The following XG variants were observed in gnomAD, a reference collection of about 807,000 sequenced individuals.
XG encodes the protein Xg glycoprotein (Xg blood group).
Under a neutral mutation model 25.7 loss-of-function variants are expected in XG, and 24 were observed. The observed-to-expected ratio is 0.93, with a 90% CI of 0.68 to 1.31. The LOEUF is 1.31. Ranked by LOEUF, XG falls within the 40% of genes most tolerant of loss-of-function variation. The pLI is 0.00. For synonymous variants in XG, 77 were observed against 69.2 expected (o/e 1.11, Z -0.56); for missense variants, 181 against 187.6 (o/e 0.96, Z 0.21).
intron 8 of XG, among the ~76,000 whole-genome samples, chrX:2,807,027 G>T: frequency 8.9e-6 from 1 of 112,757 alleles, no homozygotes; most frequent in Non-Finnish European, 1.9e-5. Context: ...TTCACACACA[G>T]GTATGCTTGT....
In XG at chrX:2,766,722, A is replaced by G. The variant is rs780677380; in HGVS notation, c.62-3828A>G. Among the ~76,000 whole-genome samples the G allele has an allele frequency of 6.0e-4, 89 of 149,124 alleles. 1 individual carries two copies. Among genetic ancestry groups the G allele is most frequent in the East Asian group, 5.4e-3 (27 of 5,010 alleles). ...TGGGACTACAGGCGCCCGCCACCAC[A>G]CCCGGCTAATTTTTTTGTATTTTTA... On this transcript the variant is annotated intron_variant, in intron 1 of 10. Coordinates refer to ENST00000644266, the MANE Select transcript of XG (RefSeq NM_001141919.2).
chrX:2,774,484 G>A (rs980123199), intron 2 of XG, among the ~76,000 whole-genome samples: 1 of 151,964 alleles, frequency 6.6e-6, no homozygotes, highest in Non-Finnish European at 1.5e-5. Flanking sequence ...CAGCTACTTT[G>A]GCCATCCTGT....
intron 1 of XG, chrX:2,752,887 T>C: frequency 1.0e-6 from 1 of 984,202 alleles, no homozygotes; most frequent in Non-Finnish European, 1.2e-6. Context: ...AACTTCGATA[T>C]AAACTTGCAG....
chrX:2,794,794 T>C (rs1421067626), intron 6 of XG, among the ~76,000 whole-genome samples, 191 bp downstream of exon 6: 1 of 111,876 alleles, frequency 8.9e-6, no homozygotes, highest in Non-Finnish European at 1.9e-5. Context: ...TGGGCATCTG[T>C]CCGCCTCTCC....
chrX:2,783,166 C>T (rs2086748135), intron 4 of XG, among the ~76,000 whole-genome samples: 1 of 111,505 alleles, frequency 9.0e-6, no homozygotes, highest in South Asian at 3.8e-4. Flanking sequence ...TTCAGTGCTC[C>T]AAATACCTTT....
At position 2,789,729 on chromosome X, in the gene XG, T is replaced by TTTTTATTTTATTTTATTTTA. The variant is rs761079287; in HGVS notation, c.253+34_253+53dup. On this transcript the variant is annotated intron_variant, in intron 5 of 10. Coordinates refer to ENST00000644266, the MANE Select transcript of XG (RefSeq NM_001141919.2). Reference sequence around the variant, plus strand: ...GAGGTAATGAGTATTTATTTATTTATTTTTATTTTATTTTATTTTATTTTA... The same window carrying TTTTTATTTTATTTTATTTTA: ...GAGGTAATGAGTATTTATTTATTTATTTTTATTTTATTTTATTTTATTTTATTTTATTTTATTTTATTTTA... The TTTTTATTTTATTTTATTTTA allele has an allele frequency of 3.0e-4, 262 of 864,252 alleles. 2 individuals carry two copies. In the African/African-American group the frequency reaches 5.3e-3, roughly 17 times the overall value. 71.2% of individuals were successfully genotyped at this position (864,252 alleles called of 1,213,427 possible). A position where few individuals can be genotyped will look rare whatever the true frequency, so the allele number is the denominator to read the frequency against.
intron 5 of XG, among the ~76,000 whole-genome samples, chrX:2,789,938 G>C (rs2086821932): frequency 9.1e-6 from 1 of 109,982 alleles, no homozygotes; most frequent in Non-Finnish European, 1.9e-5. Context: ...TTGCAGCCTT[G>C]AACTCCTGGG....
intron 1 of XG, among the ~76,000 whole-genome samples, chrX:2,770,024 TGGGGGGGGCGTTGGGGGGC>T (rs1569460932): frequency 3.6e-5 from 1 of 28,162 alleles, no homozygotes; most frequent in Non-Finnish European, 6.8e-5. Flanking sequence ...TGTGGAGGGG[TGGGGGGGGCGTTGGGGGGC>T]GGGGATATGC....
chrX:2,805,894 A>G (rs987289104), intron 7 of XG, among the ~76,000 whole-genome samples: 26 of 112,359 alleles, frequency 2.3e-4, no homozygotes, highest in African/African-American at 7.1e-4. Context: ...GGAGGGGGAT[A>G]TAGTTCAGCC....
In XG at chrX:2,814,550, A is replaced by G; in HGVS notation, c.*170A>G. On this transcript the variant is annotated 3_prime_UTR_variant, in exon 11 of 11. Transcript: ENST00000644266. ...TCACTAAGCATTCCCAACTCATTGA[A>G]TGTGATGTGGTTATAAAGATAAGTT... 1.8e-6 allele frequency: 1 copy of G among 548,314 alleles called. No individual in the cohort carries two copies. Among genetic ancestry groups the G allele is most frequent in the Non-Finnish European group, 2.8e-6 (1 of 363,409 alleles). 45.2% of individuals were successfully genotyped at this position (548,314 alleles called of 1,213,427 possible).
intron 9 of XG, among the ~76,000 whole-genome samples, chrX:2,809,208 C>T (rs1248230764): frequency 2.7e-5 from 3 of 110,896 alleles, no homozygotes. Flanking sequence ...GTGGGGACAC[C>T]GGAAATTGTG....
chrX:2,755,240 T>C (rs1453720062), intron 1 of XG, among the ~76,000 whole-genome samples: 1 of 152,242 alleles, frequency 6.6e-6, no homozygotes, highest in Non-Finnish European at 1.5e-5. Flanking sequence ...AGAATGGCTA[T>C]TCCGCAGAGC....
At chrX:2,765,099 G>T (rs1303352794) in intron 1 of XG, among the ~76,000 whole-genome samples, 1 of 131,772 alleles carries the variant, frequency 7.6e-6, no homozygotes, top group Non-Finnish European at 1.6e-5. Flanking sequence ...TGTAATCTCC[G>T]CACTTTGGGA....
intron 2 of XG, among the ~76,000 whole-genome samples, chrX:2,771,157 T>G (rs1603305854): frequency 6.6e-6 from 1 of 152,158 alleles, no homozygotes; most frequent in East Asian, 1.9e-4. Flanking sequence ...CCTGGCCCAG[T>G]TTCTGCTTTT....
intron 1 of XG, among the ~76,000 whole-genome samples, chrX:2,757,276 G>T (rs919122704): frequency 2.6e-5 from 4 of 152,018 alleles, no homozygotes; most frequent in Non-Finnish European, 5.9e-5. Flanking sequence ...GGGGTCTGGG[G>T]TTTGGGGTTA....
intron 1 of XG, among the ~76,000 whole-genome samples, chrX:2,755,108 G>A (rs1180342932): frequency 2.0e-5 from 3 of 152,078 alleles, no homozygotes; most frequent in Non-Finnish European, 4.4e-5. Context: ...CCTCCTCCAA[G>A]TGTTACAGGA....
intron 2 of XG, among the ~76,000 whole-genome samples, chrX:2,772,617 C>T (rs1465507154): frequency 6.6e-6 from 1 of 152,132 alleles, no homozygotes; most frequent in African/African-American, 2.4e-5. Flanking sequence ...TGAAACTGTT[C>T]TGGAACTAGA....
chrX:2,775,574 A>G (rs1341909157), intron 3 of XG, among the ~76,000 whole-genome samples: 1 of 152,200 alleles, frequency 6.6e-6, no homozygotes, highest in Non-Finnish European at 1.5e-5. Flanking sequence ...AACACTGTGA[A>G]TATTCTAAGT....
chrX:2,806,463 A>C (rs535729544), intron 7 of XG, among the ~76,000 whole-genome samples: 5 of 110,321 alleles, frequency 4.5e-5, no homozygotes, highest in African/African-American at 1.7e-4. Context: ...TTGCCCATCT[A>C]TGTCAGGCCT....
Sources: gnomAD v4.1 joint callset for allele counts (sites outside exome capture counted in the v4.1 genomes callset) on GRCh38, gnomAD v4.1.1 for gene constraint, MANE v1.5 for transcripts, NCBI Gene and HGNC (gene_info 2026-07-23, HGNC 2026-07-21) for gene names.